Variants in ABCC5 observed in about 807,000 individuals in gnomAD.
ABCC5 encodes the protein ATP binding cassette subfamily C member 5, also known as ATP-binding cassette sub-family C member 5.
ABCC5 carries 61 observed loss-of-function variants against 160.9 expected under a neutral mutation model. The ratio of observed to expected loss-of-function variants is 0.38; its 90% CI spans 0.31 to 0.47. The LOEUF (loss-of-function observed/expected upper bound fraction) is 0.47, where lower values mean the gene tolerates loss of function less well. ABCC5 is among the 20% of genes least tolerant of loss of function. The pLI is 0.99. For synonymous variants in ABCC5, 666 were observed against 700.6 expected, an observed-to-expected ratio of 0.95 and a Z score of 0.78; for missense variants, 1,308 against 1,813.3, an observed-to-expected ratio of 0.72 and a Z score of 5.06.
intron 2 of ABCC5, among the ~76,000 whole-genome samples, chr3:184,004,538 T>C (rs1309049998): frequency 7.1e-6 from 1 of 140,186 alleles, no homozygotes; most frequent in African/African-American, 2.6e-5. Flanking sequence ...GGCCAAAATA[T>C]AATTTGTAAA....
At chr3:184,010,536 G>A (rs1317458403) in intron 2 of ABCC5, 2 of 152,430 alleles carry the variant, frequency 1.3e-5, no homozygotes, top group African/African-American at 4.8e-5. Flanking sequence ...AAACCCTGAT[G>A]TCAACTCTAC....
chr3:183,959,940 A>C, intron 16 of ABCC5, 105 bp from the exon 17 acceptor site: 1 of 746,894 alleles, frequency 1.3e-6, no homozygotes, highest in Non-Finnish European at 2.1e-6. Flanking sequence ...ATTACTGAAA[A>C]AAGATACATC....
chr3:183,961,790 T>A, intron 15 of ABCC5, 136 bp from the exon 16 acceptor site: 1 of 1,130,994 alleles, frequency 8.8e-7, no homozygotes, highest in Non-Finnish European at 1.2e-6. Context: ...GGAGACATTT[T>A]TTTTTTTGAG....
chr3:183,964,676 C>T (rs745681753), intron 14 of ABCC5, among the ~76,000 whole-genome samples: 2 of 152,172 alleles, frequency 1.3e-5, no homozygotes, highest in Non-Finnish European at 2.9e-5. Context: ...GTGCCAATCC[C>T]AGAGACCTTC....
chr3:184,004,419 G>C (rs1016445743), intron 2 of ABCC5, among the ~76,000 whole-genome samples: 2 of 149,632 alleles, frequency 1.3e-5, no homozygotes, highest in Non-Finnish European at 3.0e-5. Context: ...CTGAGGGCAG[G>C]AGAATTGCTT....
intron 11 of ABCC5, among the ~76,000 whole-genome samples, chr3:183,971,118 C>T (rs529602984): frequency 2.0e-5 from 3 of 152,266 alleles, no homozygotes; most frequent in Non-Finnish European, 2.9e-5. Context: ...CTACCGTTAA[C>T]GATCCTTAAC....
intron 11 of ABCC5, among the ~76,000 whole-genome samples, chr3:183,969,511 G>A (rs940496061): frequency 6.6e-5 from 10 of 152,060 alleles, no homozygotes; most frequent in African/African-American, 2.4e-4. Context: ...GGCCAACATG[G>A]TGAAACCCCG....
chr3:183,959,949 T>A (rs1716571756), intron 16 of ABCC5, 114 bp from the exon 17 acceptor site: 1 of 686,884 alleles, frequency 1.5e-6, no homozygotes, highest in Non-Finnish European at 2.4e-6. Flanking sequence ...AAAAGATACA[T>A]CCAACTTCTT....
intron 24 of ABCC5, among the ~76,000 whole-genome samples, chr3:183,945,589 T>C (rs1180335327): frequency 6.6e-6 from 1 of 152,226 alleles, no homozygotes; most frequent in Non-Finnish European, 1.5e-5. Context: ...ATTAGTCAGT[T>C]AAGCTGAACT....
chr3:183,963,489 G>T lies in ABCC5; in HGVS notation c.2131C>A (p.Pro711Thr). 1.2e-6 allele frequency: 2 copies of T among 1,614,226 alleles called. No homozygotes were observed. The highest frequency in any genetic ancestry group is 8.5e-7 in the Non-Finnish European group (1 of 1,180,042). Reference sequence around the variant, plus strand: ...ACATGGGCATCTAAGGCACTGAGGGGGTCGTCCAGGATGTAGATGCTCCTG... The same window carrying T: ...ACATGGGCATCTAAGGCACTGAGGGTGTCGTCCAGGATGTAGATGCTCCTG... ...SDRSIYILDDPLSALDAHVGN... is the reference protein window; with the variant it reads ...SDRSIYILDDTLSALDAHVGN... Residue 711 changes from proline to threonine, a missense_variant, in exon 15 of 30, where the codon CCC (proline) becomes ACC (threonine). Around this residue, in one of 3 missense-constraint regions of ABCC5, gnomAD observed 1,142 missense variants for 1,527.1 expected, o/e 0.75. Transcript: ENST00000334444. This position sits in a 1 kb window ranked among gnomAD's most constrained non-coding sequence, Gnocchi z 4.6.
rs1325508760 is a variant in ABCC5 at position 183,923,602 on chromosome 3, G to A, written c.4212+1953C>T. On this transcript the variant is annotated intron_variant, in intron 29 of 29. Transcript: ENST00000334444. ...TGCACCACTGTACTCCAGCCTGGGC[G>A]ACAGAGCGAGACTCTGGCTCAAAAA... Among the ~76,000 whole-genome samples the A allele has an allele frequency of 5.9e-5, 9 of 152,250 alleles. No homozygotes were observed. The South Asian group carries it at 1.5e-3, about 25-fold the overall frequency.
chr3:183,988,797 A>G lies in ABCC5; in HGVS notation c.288-70T>C. 2 of 1,495,306 alleles carry G rather than the reference A, an allele frequency of 1.3e-6. No individual in the cohort carries two copies. Among genetic ancestry groups the G allele is most frequent in the Non-Finnish European group, 9.1e-7 (1 of 1,100,580 alleles). The allele number at this position is 1,495,306 out of a possible 1,614,324, so 92.6% of individuals were successfully genotyped here. A position where few individuals can be genotyped will look rare whatever the true frequency, so the allele number is the denominator to read the frequency against. ...AGAGGGCAGCCCGTGTTTAATGGAC[A>G]CTGTTTAGTGAACACAGCTCTTAGC... is the stretch of plus-strand genomic sequence containing the variant. On this transcript the variant is annotated intron_variant, in intron 3 of 29. Coordinates refer to ENST00000334444, the MANE Select transcript of ABCC5 (RefSeq NM_005688.4). The surrounding 1 kb of genome is among the most constrained non-coding windows in gnomAD (Gnocchi z 4.4).
chr3:183,998,605 T>C (rs1347521145), intron 2 of ABCC5, among the ~76,000 whole-genome samples: 1 of 152,150 alleles, frequency 6.6e-6, no homozygotes, highest in Non-Finnish European at 1.5e-5. Context: ...ACACCGATGT[T>C]AGGTCACAGC....
intron 5 of ABCC5, chr3:183,984,096 T>TA (rs1718983829): frequency 1.0e-6 from 1 of 985,060 alleles, no homozygotes; most frequent in Admixed American, 6.2e-5. Flanking sequence ...GAAAGAGAAT[T>TA]AAAAACAAAA....
In ABCC5 at chr3:183,950,081, C is replaced by T. The variant is rs931706143; in HGVS notation, c.2989G>A (p.Val997Ile). ...PFQAEMFIQNVILVFFCVGMI... is the reference protein window; with the variant it reads ...PFQAEMFIQNIILVFFCVGMI... ...CCCACACAGAAGAACACCAGGATAACGTTCTGGATGAACATCTCGGCCTGG... is the reference window on the plus strand; with the variant it reads ...CCCACACAGAAGAACACCAGGATAATGTTCTGGATGAACATCTCGGCCTGG... The change falls in exon 21 of 30, where the codon GTT (valine) becomes ATT (isoleucine). Residue 997 changes from valine to isoleucine, a missense_variant. Around this residue, in one of 3 missense-constraint regions of ABCC5, gnomAD observed 1,142 missense variants for 1,527.1 expected, o/e 0.75. Coordinates refer to ENST00000334444, the MANE Select transcript of ABCC5 (RefSeq NM_005688.4). The T allele has an allele frequency of 9.9e-6, 16 of 1,613,954 alleles. No homozygotes were observed. The South Asian group carries it at 1.1e-4, about 11-fold the overall frequency.
At chr3:183,940,416 C>T (rs1364993692) in intron 25 of ABCC5, among the ~76,000 whole-genome samples, 2 of 139,324 alleles carry the variant, frequency 1.4e-5, no homozygotes, top group African/African-American at 5.3e-5. Context: ...GCCGAGATTG[C>T]ACCACTGCAC....
At chr3:184,013,903 C>T (rs760147217) in intron 2 of ABCC5, among the ~76,000 whole-genome samples, 12 of 152,086 alleles carry the variant, frequency 7.9e-5, no homozygotes, top group Admixed American at 5.9e-4. Flanking sequence ...GACTGAGTCT[C>T]GCTCTATCGC....
chr3:183,976,960 G>T (rs1418446296), intron 10 of ABCC5, among the ~76,000 whole-genome samples: 2 of 152,102 alleles, frequency 1.3e-5, no homozygotes, highest in Non-Finnish European at 2.9e-5. Context: ...CACAGCCAAG[G>T]TATGATCAAC....
Position 183,963,525 on chromosome 3 carries a change from A to AG in ABCC5, c.2094dup (p.Tyr700ValfsTer2). 1 of 1,614,212 alleles carries AG rather than the reference A, an allele frequency of 6.2e-7. No homozygotes were observed. The highest frequency in any genetic ancestry group is 8.5e-7 in the Non-Finnish European group (1 of 1,180,040). On this transcript the variant is annotated frameshift_variant, in exon 15 of 30. Coordinates refer to ENST00000334444, the MANE Select transcript of ABCC5 (RefSeq NM_005688.4). LOFTEE classifies it high-confidence loss of function. This position sits in a 1 kb window ranked among gnomAD's most constrained non-coding sequence, Gnocchi z 4.6. Reference sequence around the variant, plus strand: ...ATGTAGATGCTCCTGTCACTATACAAGGCCCGGGCAAGGCTGATCCTCTGG... The same window carrying AG: ...ATGTAGATGCTCCTGTCACTATACAAGGGCCCGGGCAAGGCTGATCCTCTGG...
Sources: allele counts gnomAD v4.1 joint callset (sites outside exome capture counted in the v4.1 genomes callset), GRCh38; gene constraint gnomAD v4.1.1; regional missense constraint gnomAD v4.1.1; non-coding constraint Gnocchi (gnomAD v3.1); transcripts MANE v1.5; gene names NCBI Gene and HGNC (gene_info 2026-07-23, HGNC 2026-07-21).